SUCLG2: variants seen among roughly 807,000 people sequenced by gnomAD.
SUCLG2 encodes succinate-CoA ligase GDP-forming subunit beta, also known as succinate--CoA ligase [GDP-forming] subunit beta, mitochondrial.
Under a neutral mutation model 47.9 loss-of-function variants are expected in SUCLG2, and 42 were observed. The ratio of observed to expected loss-of-function variants is 0.88; its 90% CI spans 0.69 to 1.14. The LOEUF (loss-of-function observed/expected upper bound fraction) is 1.14, where lower values mean the gene tolerates loss of function less well. SUCLG2 is among the 50% of genes most tolerant of loss of function. SUCLG2 has a pLI of 0.00. For synonymous variants in SUCLG2, 195 were observed against 197.3 expected, an observed-to-expected ratio of 0.99 and a Z score of 0.10; for missense variants, 571 against 525.9, an observed-to-expected ratio of 1.09 and a Z score of -0.84.
intron 9 of SUCLG2, among the ~76,000 whole-genome samples, chr3:67,458,676 A>C (rs1262847070): frequency 6.6e-6 from 1 of 152,168 alleles, no homozygotes; most frequent in Non-Finnish European, 1.5e-5. Context: ...AGGGGAAAAA[A>C]GCACCTTGAG....
At chr3:67,618,825 G>A (rs930174316) in intron 1 of SUCLG2, among the ~76,000 whole-genome samples, 9 of 152,162 alleles carry the variant, frequency 5.9e-5, no homozygotes, top group Admixed American at 3.3e-4. Flanking sequence ...GCGTTGAAGG[G>A]ATGTAAAACT....
At chr3:67,392,193 A>C (rs1260431975) in intron 10 of SUCLG2, among the ~76,000 whole-genome samples, 1 of 151,946 alleles carries the variant, frequency 6.6e-6, no homozygotes, top group African/African-American at 2.4e-5. Context: ...ACATGTCCTT[A>C]CTAGGACCAG....
Position 67,631,026 on chromosome 3 carries a change from T to A in SUCLG2, c.85-21430A>T, listed in dbSNP as rs552189383. 1.6e-4 allele frequency among the ~76,000 whole-genome samples: 25 copies of A among 152,316 alleles called. No homozygotes were observed. In the South Asian group the frequency reaches 5.2e-3, roughly 32 times the overall value. On this transcript the variant is annotated intron_variant, in intron 1 of 10. Coordinates refer to ENST00000307227, the MANE Select transcript of SUCLG2 (RefSeq NM_003848.4). ...TCCTATGAAGAAGACCAATGTCCTATAAGAAGATGCAGATAAACTTCTTGA... is the reference window on the plus strand; with the variant it reads ...TCCTATGAAGAAGACCAATGTCCTAAAAGAAGATGCAGATAAACTTCTTGA...
At position 67,484,661 on chromosome 3, in the gene SUCLG2, A is replaced by C. The variant is rs781137977; in HGVS notation, c.1062+11137T>G. On this transcript the variant is annotated intron_variant, in intron 9 of 10. Transcript: ENST00000307227. ...CAAACAAACTATAATATTTCTGAGC[A>C]ATTTTACAGAATTTTTAAAAAGAAG... Among the ~76,000 whole-genome samples, 72 of 152,214 alleles carry C rather than the reference A, an allele frequency of 4.7e-4. 1 individual carries two copies. Among genetic ancestry groups the C allele is most frequent in the Admixed American group, 2.0e-4 (3 of 15,284 alleles).
chr3:67,558,365 C>T (rs1293900032), intron 2 of SUCLG2, among the ~76,000 whole-genome samples: 1 of 150,892 alleles, frequency 6.6e-6, no homozygotes, highest in East Asian at 2.0e-4. Context: ...TTACATGCCA[C>T]AGAGAAAATT....
At chr3:67,565,721 C>T (rs1345610130) in intron 2 of SUCLG2, among the ~76,000 whole-genome samples, 2 of 152,188 alleles carry the variant, frequency 1.3e-5, no homozygotes, top group Non-Finnish European at 2.9e-5. Context: ...GTGAGCTCCT[C>T]AGGTGCAGGA....
chr3:67,362,442 T>C (rs191739025), intron 10 of SUCLG2, among the ~76,000 whole-genome samples: 192 of 152,342 alleles, frequency 1.3e-3, no homozygotes, highest in Admixed American at 2.0e-3. Context: ...TTGCAATATA[T>C]TTTCATGTAT....
At chr3:67,590,905 AAG>A (rs3030349) in intron 2 of SUCLG2, among the ~76,000 whole-genome samples, 67,078 of 151,822 alleles carry the variant, frequency 0.44, 15,988 homozygotes, top group Admixed American at 0.54. Flanking sequence ...TTTGGACATT[AAG>A]AGAGAGAGAG....
intron 2 of SUCLG2, among the ~76,000 whole-genome samples, chr3:67,593,415 T>C (rs1204955493): frequency 2.0e-5 from 3 of 151,940 alleles, no homozygotes; most frequent in Non-Finnish European, 4.4e-5. Flanking sequence ...TTCAATTGTA[T>C]ATCCAGCAAA....
intron 1 of SUCLG2, among the ~76,000 whole-genome samples, chr3:67,651,648 T>G (rs1466216655): frequency 6.6e-6 from 1 of 152,204 alleles, no homozygotes; most frequent in Admixed American, 6.5e-5. Flanking sequence ...GCCTCTGGGT[T>G]GTTGTTAAAT....
intron 1 of SUCLG2, among the ~76,000 whole-genome samples, chr3:67,653,281 C>CT (rs1701320266): frequency 6.6e-6 from 1 of 152,316 alleles, no homozygotes; most frequent in African/African-American, 2.4e-5. Context: ...TCTCCTTACT[C>CT]TATTACAACA....
At chr3:67,421,030 A>AT (rs1703145290) in intron 9 of SUCLG2, among the ~76,000 whole-genome samples, 1 of 152,216 alleles carries the variant, frequency 6.6e-6, no homozygotes, top group African/African-American at 2.4e-5. Context: ...TAAGCACATC[A>AT]TAAGTATCAG....
At chr3:67,504,611 G>C (rs1003683470) in intron 7 of SUCLG2, among the ~76,000 whole-genome samples, 9 of 152,166 alleles carry the variant, frequency 5.9e-5, no homozygotes, top group African/African-American at 9.7e-5. Flanking sequence ...TCTGTGAACA[G>C]GGACCATCCT....
intron 9 of SUCLG2, among the ~76,000 whole-genome samples, chr3:67,405,546 C>T (rs1272288353): frequency 1.3e-5 from 2 of 152,150 alleles, no homozygotes; most frequent in South Asian, 2.1e-4. Flanking sequence ...AGTCCCATGG[C>T]TACCCTGCTC....
chr3:67,610,374 C>T (rs1700506380), intron 1 of SUCLG2, among the ~76,000 whole-genome samples: 1 of 152,164 alleles, frequency 6.6e-6, no homozygotes, highest in Admixed American at 6.5e-5. Context: ...TTCCAATATG[C>T]ACTACGTGTT....
At chr3:67,534,088 C>G (rs1048861796) in intron 2 of SUCLG2, among the ~76,000 whole-genome samples, 28 of 152,052 alleles carry the variant, frequency 1.8e-4, no homozygotes, top group African/African-American at 5.8e-4. Flanking sequence ...AAGTACAAGA[C>G]AGAAATAGAA....
At chr3:67,429,581 AC>A (rs1308433680) in intron 9 of SUCLG2, among the ~76,000 whole-genome samples, 1 of 152,202 alleles carries the variant, frequency 6.6e-6, no homozygotes, top group Admixed American at 6.6e-5. Flanking sequence ...AATGACAGGA[AC>A]AAATTCACAC....
chr3:67,496,749 C>T (rs1267717135), intron 8 of SUCLG2, among the ~76,000 whole-genome samples: 3 of 151,926 alleles, frequency 2.0e-5, no homozygotes, highest in African/African-American at 4.8e-5. Flanking sequence ...ATCAATTGCA[C>T]TTATTTTGCT....
intron 5 of SUCLG2, among the ~76,000 whole-genome samples, chr3:67,519,554 G>A (rs982913180): frequency 2.6e-5 from 4 of 152,026 alleles, no homozygotes; most frequent in African/African-American, 7.2e-5. Context: ...CATTCAAGTC[G>A]CAGTTTCCAA....
Sources: allele counts gnomAD v4.1 joint callset (sites outside exome capture counted in the v4.1 genomes callset), GRCh38; gene constraint gnomAD v4.1.1; transcripts MANE v1.5; gene names NCBI Gene and HGNC (gene_info 2026-07-23, HGNC 2026-07-21).